Variants in NUP58 observed in about 807,000 individuals in gnomAD.
NUP58 encodes nucleoporin 58.
A neutral mutation model predicts 70.1 loss-of-function variants in NUP58; 17 were observed. The observed-to-expected ratio is 0.24, with a 90% CI of 0.17 to 0.36. The LOEUF is 0.36. Ranked by LOEUF, NUP58 falls within the 10% of genes least tolerant of loss-of-function variation. The pLI is 1.00. For missense variants in NUP58, 644 were observed against 701.5 expected, an observed-to-expected ratio of 0.92 and a Z score of 0.93; for synonymous variants, 275 against 257.6, an observed-to-expected ratio of 1.07 and a Z score of -0.65.
At chr13:25,308,876 A>G (rs2137724861) in intron 2 of NUP58, among the ~76,000 whole-genome samples, 1 of 152,350 alleles carries the variant, frequency 6.6e-6, no homozygotes, top group Admixed American at 6.5e-5. Context: ...CACATTTCAC[A>G]GCCACATCTA....
At chr13:25,303,184 C>T (rs2030119113) in intron 1 of NUP58, 2 of 445,036 alleles carry the variant, frequency 4.5e-6, no homozygotes, top group Non-Finnish European at 8.9e-6. Flanking sequence ...TCCCATTGCT[C>T]TCTCTTTAAT....
chr13:25,337,738 G>A (rs570911638), intron 14 of NUP58, among the ~76,000 whole-genome samples: 3 of 152,166 alleles, frequency 2.0e-5, no homozygotes, highest in South Asian at 2.1e-4. Flanking sequence ...AGCTATTACG[G>A]TTGTTTAATA....
chr13:25,325,461 A>G (rs1051669312), intron 10 of NUP58, among the ~76,000 whole-genome samples: 1 of 152,224 alleles, frequency 6.6e-6, no homozygotes, highest in Non-Finnish European at 1.5e-5. Context: ...CTGTAATCAC[A>G]TCACTCAGCT....
At chr13:25,329,666 A>T (rs763687509) in intron 12 of NUP58, among the ~76,000 whole-genome samples, 19 of 152,106 alleles carry the variant, frequency 1.2e-4, no homozygotes, top group Non-Finnish European at 2.1e-4. Flanking sequence ...CTCACAAGAC[A>T]TTTTTTTGTT....
intron 3 of NUP58, chr13:25,309,544 T>C (rs2137727280): frequency 2.8e-6 from 1 of 352,462 alleles, no homozygotes; most frequent in South Asian, 5.3e-5. Context: ...TTATTTCATA[T>C]TACTTTTTTA....
Position 25,313,026 on chromosome 13 carries a change from C to T in NUP58, c.430C>T (p.Pro144Ser). 4.3e-6 allele frequency: 7 copies of T among 1,612,066 alleles called. No individual in the cohort carries two copies. Among genetic ancestry groups the T allele is most frequent in the Non-Finnish European group, 5.1e-6 (6 of 1,179,490 alleles). ...LTLSSALTST[P>S]AASTGFTLNN... ...TCTTTCGTCTGCTCTGACATCAACTCCAGCAGGTGAGGCAGAATGAAAAAC... is the reference window on the plus strand; with the variant it reads ...TCTTTCGTCTGCTCTGACATCAACTTCAGCAGGTGAGGCAGAATGAAAAAC... The change falls in exon 4 of 16, where the codon CCA (proline) becomes TCA (serine). Residue 144 changes from proline to serine, a missense_variant. Physicochemically the swap from Pro to Ser is moderately conservative, Grantham distance 74. Coordinates refer to ENST00000381736, the MANE Select transcript of NUP58 (RefSeq NM_014089.4).
chr13:25,328,434 C>T (rs1229329348), intron 12 of NUP58, among the ~76,000 whole-genome samples: 5 of 139,478 alleles, frequency 3.6e-5, no homozygotes, highest in African/African-American at 1.1e-4. Context: ...CTTGCTCTGT[C>T]GCCCAGGCTG....
intron 13 of NUP58, 118 bp downstream of exon 13, chr13:25,331,676 A>G: frequency 6.8e-7 from 1 of 1,479,418 alleles, no homozygotes; most frequent in South Asian, 1.4e-5. Context: ...AGCTGTTCCA[A>G]TACAATCTAA....
intron 3 of NUP58, among the ~76,000 whole-genome samples, chr13:25,312,447 A>T (rs543308585): frequency 6.6e-6 from 1 of 152,220 alleles, no homozygotes; most frequent in South Asian, 2.1e-4. Context: ...AGCTCACTGC[A>T]ACCTCCCCCT....
chr13:25,314,735 C>T (rs1566060644), intron 5 of NUP58, among the ~76,000 whole-genome samples: 1 of 152,042 alleles, frequency 6.6e-6, no homozygotes, highest in Non-Finnish European at 1.5e-5. Context: ...ACAGATTTAT[C>T]AACACAAGAT....
chr13:25,312,570 G>A (rs2137740481), intron 3 of NUP58, among the ~76,000 whole-genome samples: 1 of 152,282 alleles, frequency 6.6e-6, no homozygotes, highest in Non-Finnish European at 1.5e-5. Flanking sequence ...GTTTCACCGT[G>A]TTGGCCAGGC....
chr13:25,305,982 T>A (rs2030334954), intron 1 of NUP58, among the ~76,000 whole-genome samples: 1 of 152,176 alleles, frequency 6.6e-6, no homozygotes, highest in South Asian at 2.1e-4. Flanking sequence ...TTCTGCTCCC[T>A]TGCTATTCCT....
Position 25,330,836 on chromosome 13 carries a change from T to C in NUP58, c.1234-521T>C, listed in dbSNP as rs546816469. On this transcript the variant is annotated intron_variant, in intron 12 of 15. Transcript: ENST00000381736. Reference sequence around the variant, plus strand: ...AGCCCTCATCATACCCTCCAACCACTGCTGAGGTGCAACACCTTATTTTAG... The same window carrying C: ...AGCCCTCATCATACCCTCCAACCACCGCTGAGGTGCAACACCTTATTTTAG... Among the ~76,000 whole-genome samples, 15 of 152,304 alleles carry C rather than the reference T, an allele frequency of 9.8e-5. No individual in the cohort carries two copies. In the East Asian group the frequency reaches 2.9e-3, roughly 29 times the overall value.
At chr13:25,333,801 T>C in intron 13 of NUP58, 10 of 985,416 alleles carry the variant, frequency 1.0e-5, no homozygotes, top group Non-Finnish European at 1.2e-5. Flanking sequence ...CAGTAACAAA[T>C]TTTAGACCAT....
chr13:25,322,713 G>A (rs1200756671), intron 9 of NUP58, among the ~76,000 whole-genome samples: 1 of 152,132 alleles, frequency 6.6e-6, no homozygotes, highest in Non-Finnish European at 1.5e-5. Context: ...TCCAGAATCA[G>A]AAAAATTCTG....
chr13:25,312,078 A>G (rs567429082), intron 3 of NUP58, among the ~76,000 whole-genome samples: 2 of 152,176 alleles, frequency 1.3e-5, no homozygotes, highest in Non-Finnish European at 2.9e-5. Context: ...TGGGTGTGTC[A>G]TTGGGGAAGT....
At chr13:25,334,212 A>G (rs950804969) in intron 13 of NUP58, 62 of 985,298 alleles carry the variant, frequency 6.3e-5, no homozygotes, top group Non-Finnish European at 7.5e-5. Context: ...ACACTTGTCT[A>G]TAAGTGCTTC....
chr13:25,319,255 T>G (rs2137767404), intron 6 of NUP58, 71 bp from the exon 7 acceptor site: 4 of 1,278,196 alleles, frequency 3.1e-6, no homozygotes, highest in African/African-American at 3.0e-5. Flanking sequence ...TTGTGTTAAT[T>G]TAAAGCTTGT....
chr13:25,323,269 G>T (rs2031259044), intron 9 of NUP58, among the ~76,000 whole-genome samples: 2 of 152,074 alleles, frequency 1.3e-5, no homozygotes, highest in South Asian at 4.2e-4. Context: ...TGCATGCTGG[G>T]CTTAATACCT....
Sources: allele counts gnomAD v4.1 joint callset (sites outside exome capture counted in the v4.1 genomes callset), GRCh38; gene constraint gnomAD v4.1.1; transcripts MANE v1.5; gene names NCBI Gene and HGNC (gene_info 2026-07-23, HGNC 2026-07-21).